Variants in NRXN1 observed in about 807,000 individuals in gnomAD.
NRXN1 encodes the protein neurexin 1.
NRXN1 carries 39 observed loss-of-function variants against 150.9 expected under a neutral mutation model. That is an observed-to-expected ratio of 0.26 (90% CI 0.20 to 0.34). NRXN1 has a LOEUF of 0.34. NRXN1 is among the 10% of genes least tolerant of loss of function. The pLI, the probability that NRXN1 is intolerant of heterozygous loss-of-function variation, is 1.00. For missense variants in NRXN1, 1,815 were observed against 1,949.9 expected, an observed-to-expected ratio of 0.93 and a Z score of 1.30; for synonymous variants, 924 against 757.0, an observed-to-expected ratio of 1.22 and a Z score of -3.62.
chr2:50,506,935 C>T (rs2092254085), intron 12 of NRXN1: 1 of 243,860 alleles, frequency 4.1e-6, no homozygotes, highest in African/African-American at 2.2e-5. Flanking sequence ...TAAATAGGCA[C>T]AGTCAATACA....
chr2:50,325,543 T>C (rs1429059328), intron 17 of NRXN1, among the ~76,000 whole-genome samples: 1 of 152,186 alleles, frequency 6.6e-6, no homozygotes, highest in Non-Finnish European at 1.5e-5. Context: ...AGAAAACGTG[T>C]CCAAAGTGAC....
intron 21 of NRXN1, chr2:49,973,717 G>C (rs1678388788): frequency 2.1e-6 from 1 of 480,870 alleles, no homozygotes; most frequent in African/African-American, 2.0e-5. Context: ...GACAAAACTA[G>C]AAGCAACCAT....
intron 21 of NRXN1, among the ~76,000 whole-genome samples, chr2:50,010,924 T>C (rs907046481): frequency 2.0e-5 from 3 of 152,162 alleles, no homozygotes; most frequent in African/African-American, 7.2e-5. Context: ...TGACATAAAA[T>C]ATCTCTGCAA....
At chr2:50,021,489 T>G (rs1687559544) in intron 21 of NRXN1, among the ~76,000 whole-genome samples, 1 of 152,198 alleles carries the variant, frequency 6.6e-6, no homozygotes. Context: ...TTCTTTTGAA[T>G]ATCTCCTATG....
chr2:50,189,587 G>C (rs1353231098), intron 18 of NRXN1, among the ~76,000 whole-genome samples: 1 of 151,796 alleles, frequency 6.6e-6, no homozygotes. Flanking sequence ...TATGTGTAAG[G>C]CCATAGCAAA....
intron 17 of NRXN1, among the ~76,000 whole-genome samples, chr2:50,371,824 C>A (rs958025600): frequency 1.3e-5 from 2 of 151,658 alleles, no homozygotes; most frequent in Non-Finnish European, 2.9e-5. Context: ...GTCATGTAAT[C>A]CAAGCTTACA....
In NRXN1 at chr2:50,156,110, A is replaced by G. The variant is rs568491827; in HGVS notation, c.3547-64616T>C. Among the ~76,000 whole-genome samples the G allele has an allele frequency of 2.0e-5, 3 of 151,880 alleles. No individual in the cohort carries two copies. In the South Asian group the frequency reaches 6.2e-4, roughly 31 times the overall value. ...TGTTCTTTGCTTCTCTTTGTATTCT[A>G]TAAAGTTCCTACAATAAATACATAT... On this transcript the variant is annotated intron_variant, in intron 18 of 22. Transcript: ENST00000401669.
At chr2:50,041,005 T>TC (rs1272794007) in intron 21 of NRXN1, among the ~76,000 whole-genome samples, 1 of 152,120 alleles carries the variant, frequency 6.6e-6, no homozygotes, top group Non-Finnish European at 1.5e-5. Flanking sequence ...CCTAATGCTA[T>TC]CCCTCCTCCC....
chr2:49,923,415 C>T (rs1482011253), intron 22 of NRXN1, among the ~76,000 whole-genome samples: 2 of 152,064 alleles, frequency 1.3e-5, no homozygotes, highest in African/African-American at 4.8e-5. Flanking sequence ...ATTAAAAATG[C>T]TACAACTTTC....
At chr2:50,319,501 G>C (rs577275166) in intron 17 of NRXN1, among the ~76,000 whole-genome samples, 15 of 152,180 alleles carry the variant, frequency 9.9e-5, no homozygotes, top group South Asian at 2.1e-4. Flanking sequence ...TCATCGAAAA[G>C]GAAGGTGCCC....
At chr2:50,530,250 TA>T (rs1200271626) in intron 11 of NRXN1, among the ~76,000 whole-genome samples, 2 of 152,134 alleles carry the variant, frequency 1.3e-5, no homozygotes, top group African/African-American at 4.8e-5. Flanking sequence ...GAAAAAAAAT[TA>T]AACTCATAAA....
intron 5 of NRXN1, among the ~76,000 whole-genome samples, chr2:50,639,023 C>T (rs2104462359): frequency 1.3e-5 from 2 of 152,030 alleles, no homozygotes; most frequent in South Asian, 4.1e-4. Context: ...ACCATCCAAA[C>T]TTTGGAAAAC....
At chr2:50,506,876 T>C (rs1424432899) in intron 12 of NRXN1, 2 of 423,950 alleles carry the variant, frequency 4.7e-6, no homozygotes, top group East Asian at 7.3e-5. Flanking sequence ...CATTTAAGAA[T>C]CTTTAATCCT....
chr2:50,087,790 T>C (rs560199548), intron 19 of NRXN1, among the ~76,000 whole-genome samples: 192 of 152,322 alleles, frequency 1.3e-3, no homozygotes, highest in African/African-American at 4.5e-3. Flanking sequence ...CTACCTCTAC[T>C]AATTAGTTTC....
chr2:50,037,674 T>C (rs1392495064), intron 21 of NRXN1, among the ~76,000 whole-genome samples: 1 of 152,210 alleles, frequency 6.6e-6, no homozygotes, highest in Non-Finnish European at 1.5e-5. Context: ...AACTCAGCTC[T>C]TATCAACCAC....
intron 18 of NRXN1, among the ~76,000 whole-genome samples, chr2:50,228,600 G>C (rs2064633631): frequency 1.3e-5 from 2 of 152,122 alleles, no homozygotes; most frequent in South Asian, 2.1e-4. Context: ...GGAGTGAGCA[G>C]CCGGCACTTA....
At chr2:50,937,532 CAAAATAA>C (rs2104451319) in intron 2 of NRXN1, among the ~76,000 whole-genome samples, 1 of 152,124 alleles carries the variant, frequency 6.6e-6, no homozygotes, top group East Asian at 1.9e-4. Context: ...TCATTTGGGG[CAAAATAA>C]ACTGAAGGAG....
At chr2:49,926,944 C>T (rs772681780) in intron 22 of NRXN1, among the ~76,000 whole-genome samples, 8 of 152,276 alleles carry the variant, frequency 5.3e-5, no homozygotes, top group Admixed American at 1.3e-4. Flanking sequence ...TTCCTCCATT[C>T]TCCTCTGTAT....
intron 9 of NRXN1, among the ~76,000 whole-genome samples, chr2:50,539,990 T>A (rs1200731672): frequency 6.6e-6 from 1 of 152,184 alleles, no homozygotes; most frequent in African/African-American, 2.4e-5. Flanking sequence ...GGCCCTGATG[T>A]GCCCAGGAGT....
Sources: allele counts gnomAD v4.1 joint callset (sites outside exome capture counted in the v4.1 genomes callset), GRCh38; gene constraint gnomAD v4.1.1; transcripts MANE v1.5; gene names NCBI Gene and HGNC (gene_info 2026-07-23, HGNC 2026-07-21).